The following TRIQK variants were observed in gnomAD, a reference collection of about 807,000 sequenced individuals.
The protein encoded by TRIQK is triple QxxK/R motif containing.
TRIQK carries 10 observed loss-of-function variants against 10.8 expected under a neutral mutation model. That is an observed-to-expected ratio of 0.92 (90% CI 0.57 to 1.57). The LOEUF (loss-of-function observed/expected upper bound fraction) is 1.57, where lower values mean the gene tolerates loss of function less well. TRIQK is among the 40% of genes most tolerant of loss of function. The pLI, the probability that TRIQK is intolerant of heterozygous loss-of-function variation, is 0.00. For synonymous variants in TRIQK, 33 were observed against 33.7 expected (o/e 0.98, Z 0.07); for missense variants, 107 against 97.7 (o/e 1.09, Z -0.40).
intron 1 of TRIQK, among the ~76,000 whole-genome samples, chr8:93,006,698 G>A (rs1813276344): frequency 6.6e-6 from 1 of 152,172 alleles, no homozygotes; most frequent in Non-Finnish European, 1.5e-5. Flanking sequence ...ATTGGACCCA[G>A]GAGGAATTCC....
At chr8:92,962,067 G>C (rs1207944396) in intron 1 of TRIQK, among the ~76,000 whole-genome samples, 1 of 152,020 alleles carries the variant, frequency 6.6e-6, no homozygotes, top group African/African-American at 2.4e-5. Context: ...TCACTCTATT[G>C]TTGCAAAGAT....
At chr8:92,929,224 G>T (rs906502694) in intron 2 of TRIQK, among the ~76,000 whole-genome samples, 2 of 152,166 alleles carry the variant, frequency 1.3e-5, no homozygotes, top group Non-Finnish European at 2.9e-5. Context: ...AAATTCAGGT[G>T]GCTAGTGGAC....
intron 1 of TRIQK, among the ~76,000 whole-genome samples, chr8:92,988,278 A>G (rs1813059313): frequency 6.6e-6 from 1 of 151,980 alleles, no homozygotes; most frequent in African/African-American, 2.4e-5. Context: ...GGCCTCCCAA[A>G]GTGCTGGGAT....
At chr8:92,907,173 C>G (rs1809319323) in intron 3 of TRIQK, among the ~76,000 whole-genome samples, 1 of 152,070 alleles carries the variant, frequency 6.6e-6, no homozygotes, top group African/African-American at 2.4e-5. Flanking sequence ...CTCTTTCTAC[C>G]ATCATTTCTA....
intron 1 of TRIQK, chr8:92,972,606 A>T (rs1306301243): frequency 6.6e-6 from 1 of 152,382 alleles, no homozygotes; most frequent in African/African-American, 2.4e-5. Flanking sequence ...GCCATTTGGC[A>T]TGTCCCCATC....
chr8:92,900,554 G>A (rs988122544), intron 3 of TRIQK, among the ~76,000 whole-genome samples: 4 of 152,096 alleles, frequency 2.6e-5, no homozygotes, highest in Admixed American at 2.0e-4. Flanking sequence ...CACTGTAGAT[G>A]TAAGAATTTG....
At chr8:92,949,866 AAGGGAGGG>A (rs546805288) in intron 2 of TRIQK, among the ~76,000 whole-genome samples, 2 of 141,090 alleles carry the variant, frequency 1.4e-5, no homozygotes, top group Admixed American at 7.0e-5. Flanking sequence ...AAGAGAAAGG[AAGGGAGGG>A]AGGGAGGGAG....
chr8:92,949,081 C>A (rs2130650025), intron 2 of TRIQK, among the ~76,000 whole-genome samples: 1 of 152,310 alleles, frequency 6.6e-6, no homozygotes. Flanking sequence ...CATAACTTTC[C>A]TTTTTCTGTC....
chr8:92,948,012 A>G (rs1811644512), intron 2 of TRIQK, among the ~76,000 whole-genome samples: 1 of 152,170 alleles, frequency 6.6e-6, no homozygotes, highest in African/African-American at 2.4e-5. Context: ...TGACATAATT[A>G]ATTCTCCTTT....
At chr8:92,887,934 T>C (rs1816569964) in intron 4 of TRIQK, among the ~76,000 whole-genome samples, 1 of 151,692 alleles carries the variant, frequency 6.6e-6, no homozygotes, top group Non-Finnish European at 1.5e-5. Context: ...CAAAGATCTT[T>C]GTAAGGTTTC....
chr8:92,995,319 ATTCT>A (rs1379691733), intron 1 of TRIQK, among the ~76,000 whole-genome samples: 2 of 151,962 alleles, frequency 1.3e-5, no homozygotes, highest in Non-Finnish European at 2.9e-5. Context: ...TTTTTAACTT[ATTCT>A]TTCTGATTAT....
At position 92,902,995 on chromosome 8, in the gene TRIQK, TTTC is replaced by T. The variant is rs560455376; in HGVS notation, c.62-10924_62-10922del. ...CTAAATCAAATCAATTTTTATTCAA[TTTC>T]TTATTTTTAAATATATTCTAAATTA... is the stretch of plus-strand genomic sequence containing the variant. On this transcript the variant is annotated intron_variant, in intron 3 of 4. Transcript: ENST00000521988. 4.0e-5 allele frequency among the ~76,000 whole-genome samples: 6 copies of T among 151,866 alleles called. No individual in the cohort carries two copies. The South Asian group carries it at 1.2e-3, about 31-fold the overall frequency.
At chr8:92,894,313 G>A (rs1816905621) in intron 3 of TRIQK, among the ~76,000 whole-genome samples, 1 of 151,998 alleles carries the variant, frequency 6.6e-6, no homozygotes, top group African/African-American at 2.4e-5. Flanking sequence ...TATAACTAAA[G>A]CCAGATCATT....
intron 3 of TRIQK, among the ~76,000 whole-genome samples, chr8:92,905,154 G>GA (rs955550966): frequency 8.7e-5 from 13 of 150,120 alleles, no homozygotes; most frequent in African/African-American, 2.7e-4. Flanking sequence ...AGCATTCATA[G>GA]AAAAAAAAAC....
intron 1 of TRIQK, among the ~76,000 whole-genome samples, chr8:92,982,373 A>G (rs570582443): frequency 6.6e-6 from 1 of 152,172 alleles, no homozygotes; most frequent in Admixed American, 6.5e-5. Flanking sequence ...TTTATGTATT[A>G]CGTGTTTCTT....
chr8:92,927,982 C>T (rs1810527307), intron 2 of TRIQK: 1 of 152,092 alleles, frequency 6.6e-6, no homozygotes, highest in South Asian at 2.1e-4. Context: ...AAGATGGCTT[C>T]AGGAAAGTGG....
At position 92,885,574 on chromosome 8, in the gene TRIQK, T is replaced by C. The variant is rs1816436092; in HGVS notation, c.*1048A>G. On this transcript the variant is annotated 3_prime_UTR_variant, in exon 5 of 5. Coordinates refer to ENST00000521988, the MANE Select transcript of TRIQK (RefSeq NM_001171797.2). Reference sequence around the variant, plus strand: ...GTAAAAATATTGAATGTACAGGTCATTATGCTCCCACAAATACAAAATACA... The same window carrying C: ...GTAAAAATATTGAATGTACAGGTCACTATGCTCCCACAAATACAAAATACA... 1 of 151,848 alleles carries C rather than the reference T, an allele frequency of 6.6e-6. No homozygotes were observed. Among genetic ancestry groups the C allele is most frequent in the East Asian group, 1.9e-4 (1 of 5,158 alleles). The allele number at this position is 151,848 out of a possible 1,614,324, so 9.4% of individuals were successfully genotyped here.
intron 1 of TRIQK, among the ~76,000 whole-genome samples, chr8:93,004,885 C>G (rs1160241942): frequency 6.6e-6 from 1 of 152,224 alleles, no homozygotes; most frequent in African/African-American, 2.4e-5. Context: ...CCAGCTCAGC[C>G]TGAACTTCAC....
intron 2 of TRIQK, among the ~76,000 whole-genome samples, chr8:92,949,371 C>T (rs993232586): frequency 1.3e-5 from 2 of 152,050 alleles, no homozygotes; most frequent in Admixed American, 1.3e-4. Context: ...GAATACCTAT[C>T]TCACATGGCT....
Sources: gnomAD v4.1 joint callset for allele counts (sites outside exome capture counted in the v4.1 genomes callset) on GRCh38, gnomAD v4.1.1 for gene constraint, MANE v1.5 for transcripts, NCBI Gene and HGNC (gene_info 2026-07-23, HGNC 2026-07-21) for gene names.